PCDH15: variants seen among roughly 807,000 people sequenced by gnomAD.
The protein encoded by PCDH15 is protocadherin-15.
A neutral mutation model predicts 178.5 loss-of-function variants in PCDH15; 129 were observed. That is an observed-to-expected ratio of 0.72 (90% CI 0.63 to 0.84). The LOEUF (loss-of-function observed/expected upper bound fraction) is 0.84. PCDH15 is among the 40% of genes least tolerant of loss of function. PCDH15 has a pLI of 0.00. For missense variants in PCDH15, 2,230 were observed against 2,099.9 expected (o/e 1.06, Z -1.21); for synonymous variants, 800 against 732.0 (o/e 1.09, Z -1.50).
chr10:54,178,350 G>C (rs1260484684), intron 13 of PCDH15, among the ~76,000 whole-genome samples: 1 of 152,050 alleles, frequency 6.6e-6, no homozygotes, highest in Non-Finnish European at 1.5e-5. Context: ...CACTTAGATT[G>C]ATACATTTTT....
chr10:53,903,099 G>C, intron 26 of PCDH15, 144 bp downstream of exon 26: 1 of 835,300 alleles, frequency 1.2e-6, no homozygotes, highest in Non-Finnish European at 1.8e-6. Flanking sequence ...ATTGAGTTTA[G>C]ATAACTAAAC....
intron 2 of PCDH15, among the ~76,000 whole-genome samples, chr10:54,564,339 G>T (rs1381138503): frequency 6.6e-6 from 1 of 152,130 alleles, no homozygotes; most frequent in Non-Finnish European, 1.5e-5. Flanking sequence ...GGATTGAGAA[G>T]TATGGCTAAA....
intron 2 of PCDH15, among the ~76,000 whole-genome samples, chr10:54,899,790 C>T (rs1391697799): frequency 1.3e-5 from 2 of 151,988 alleles, no homozygotes; most frequent in East Asian, 1.9e-4. Context: ...CCACCGTGCC[C>T]GACCAAAGAT....
intron 3 of PCDH15, among the ~76,000 whole-genome samples, chr10:54,867,761 G>T (rs780417966): frequency 2.6e-5 from 4 of 151,862 alleles, no homozygotes; most frequent in African/African-American, 9.7e-5. Context: ...CCAAAACATC[G>T]AGTTTATTTC....
At chr10:54,163,277 T>C (rs887799676) in intron 13 of PCDH15, among the ~76,000 whole-genome samples, 1 of 152,088 alleles carries the variant, frequency 6.6e-6, no homozygotes, top group African/African-American at 2.4e-5. Flanking sequence ...GGGTAATTTA[T>C]GAAGAAACGA....
intron 1 of PCDH15, among the ~76,000 whole-genome samples, chr10:54,761,749 C>A (rs2133148931): frequency 6.6e-6 from 1 of 150,908 alleles, no homozygotes; most frequent in South Asian, 2.1e-4. Context: ...AGGGGTAATT[C>A]TCCAAAGGAA....
chr10:53,995,516 G>C, intron 21 of PCDH15, 133 bp downstream of exon 21: 2 of 1,517,504 alleles, frequency 1.3e-6, no homozygotes, highest in Admixed American at 1.8e-5. Flanking sequence ...ATAAGTAAAA[G>C]AACATAAAAT....
At chr10:54,548,567 TTATATAA>T (rs1052564960) in intron 2 of PCDH15, among the ~76,000 whole-genome samples, 1 of 146,816 alleles carries the variant, frequency 6.8e-6, no homozygotes, top group Non-Finnish European at 1.5e-5. Flanking sequence ...ATATAAATTA[TTATATAA>T]TATATATTAT....
At position 54,988,720 on chromosome 10, in the gene PCDH15, C is replaced by T. The variant is rs951212384; in HGVS notation, c.-79-91220G>A. Among the ~76,000 whole-genome samples, 5 of 152,226 alleles carry T rather than the reference C, an allele frequency of 3.3e-5. No individual in the cohort carries two copies. The South Asian group carries it at 1.0e-3, about 32-fold the overall frequency. On this transcript the variant is annotated intron_variant, in intron 2 of 5. Transcript: ENST00000458638. Reference sequence around the variant, plus strand: ...TGACTTGGGTGCTGTTAAAGGTATTCAGTTTTATAAGGGAAGCAGAGCATT... The same window carrying T: ...TGACTTGGGTGCTGTTAAAGGTATTTAGTTTTATAAGGGAAGCAGAGCATT...
At chr10:55,235,979 G>C (rs1841375642) in intron 1 of PCDH15, among the ~76,000 whole-genome samples, 1 of 146,972 alleles carries the variant, frequency 6.8e-6, no homozygotes, top group Non-Finnish European at 1.5e-5. Context: ...AAAATTTAAA[G>C]TATAGATTAC....
intron 1 of PCDH15, among the ~76,000 whole-genome samples, chr10:55,303,318 T>C (rs537042314): frequency 6.6e-6 from 1 of 152,318 alleles, no homozygotes; most frequent in East Asian, 1.9e-4. Context: ...GGGCTGTTAG[T>C]AGTCTTGCTT....
At chr10:54,209,198 T>A (rs1469067478) in intron 10 of PCDH15, among the ~76,000 whole-genome samples, 6 of 152,096 alleles carry the variant, frequency 3.9e-5, no homozygotes, top group Non-Finnish European at 8.8e-5. Flanking sequence ...CTTGACAACA[T>A]CTCTGTGGGA....
At chr10:54,214,272 A>T (rs1211332881) in intron 9 of PCDH15, among the ~76,000 whole-genome samples, 6 of 151,976 alleles carry the variant, frequency 3.9e-5, no homozygotes, top group South Asian at 2.1e-4. Context: ...GATTTTTGAA[A>T]TTTTTTTTAT....
At chr10:55,048,752 A>G (rs1199449824) in intron 2 of PCDH15, among the ~76,000 whole-genome samples, 1 of 151,946 alleles carries the variant, frequency 6.6e-6, no homozygotes, top group Non-Finnish European at 1.5e-5. Context: ...CTCTAAACCT[A>G]GAAATGATAT....
intron 2 of PCDH15, among the ~76,000 whole-genome samples, chr10:54,976,379 T>C (rs538846317): frequency 2.0e-5 from 3 of 152,138 alleles, no homozygotes; most frequent in Admixed American, 6.6e-5. Context: ...AGGCTGGTCA[T>C]GCAGAAGAAG....
chr10:54,251,031 C>T (rs2056429168), intron 8 of PCDH15, among the ~76,000 whole-genome samples: 1 of 152,142 alleles, frequency 6.6e-6, no homozygotes, highest in African/African-American at 2.4e-5. Context: ...AGTCAATTGA[C>T]AGACGTCTTT....
chr10:53,953,422 A>G (rs966544995), intron 23 of PCDH15, among the ~76,000 whole-genome samples: 1 of 152,210 alleles, frequency 6.6e-6, no homozygotes, highest in Admixed American at 6.5e-5. Context: ...AATCAAGTGT[A>G]TAGTAATTCT....
chr10:54,399,763 C>T (rs1161917873), intron 3 of PCDH15, among the ~76,000 whole-genome samples: 1 of 152,012 alleles, frequency 6.6e-6, no homozygotes, highest in Non-Finnish European at 1.5e-5. Flanking sequence ...GGCTGTGCAG[C>T]CACATCCGCG....
rs1015119147 is a variant in PCDH15 at position 53,805,544 on chromosome 10, T to TATAA, written c.*1031_*1034dup. 67 of 152,120 alleles carry TATAA rather than the reference T, an allele frequency of 4.4e-4. No individual in the cohort carries two copies. Among genetic ancestry groups the TATAA allele is most frequent in the African/African-American group, 1.4e-3 (60 of 41,442 alleles). The allele number at this position is 152,120 out of a possible 1,614,324, so 9.4% of individuals were successfully genotyped here. A position where few individuals can be genotyped will look rare whatever the true frequency, so the allele number is the denominator to read the frequency against. On this transcript the variant is annotated 3_prime_UTR_variant, in exon 38 of 38. Coordinates refer to ENST00000644397, the MANE Select transcript of PCDH15 (RefSeq NM_001384140.1). ...CATAAATATGTGCATTAAAATATTC[T>TATAA]ATAAATAACCTGAAAATGGAAGAAG...
Sources: allele counts gnomAD v4.1 joint callset (sites outside exome capture counted in the v4.1 genomes callset), GRCh38; gene constraint gnomAD v4.1.1; transcripts MANE v1.5; gene names NCBI Gene and HGNC (gene_info 2026-07-23, HGNC 2026-07-21).